The following IL20RB variants were observed in gnomAD, a reference collection of about 807,000 sequenced individuals.
IL20RB encodes interleukin 20 receptor subunit beta.
A neutral mutation model predicts 33.3 loss-of-function variants in IL20RB; 21 were observed. The ratio of observed to expected loss-of-function variants is 0.63; its 90% CI spans 0.45 to 0.91. IL20RB has a LOEUF of 0.91. IL20RB is among the 40% of genes least tolerant of loss of function. IL20RB has a pLI of 0.00. For synonymous variants in IL20RB, 147 were observed against 146.8 expected, an observed-to-expected ratio of 1.00 and a Z score of -0.01; for missense variants, 345 against 384.8, an observed-to-expected ratio of 0.90 and a Z score of 0.86.
rs552640752 is a variant in IL20RB, at chr3:136,992,030, C to T, written c.624C>T (p.Phe208=). 8 of 1,614,204 alleles carry T rather than the reference C, an allele frequency of 5.0e-6. No homozygotes were observed. The highest frequency in any genetic ancestry group is 3.3e-5 in the Admixed American group (2 of 60,028). The change falls in exon 5 of 7, where the codon TTC becomes TTT. Residue 208 remains phenylalanine (F), a synonymous_variant. Transcript: ENST00000329582. The part of the protein sequence containing the change: ...GAAYCVKAQT[F]VKAIGRYSAF... ...CATACTGTGTGAAGGCCCAGACATT[C>T]GTGAAGGCCATTGGGAGGTACAGCG...
chr3:137,006,461 C>CT lies in IL20RB; in HGVS notation c.826-3642dup, dbSNP rs201304646. Among the ~76,000 whole-genome samples the CT allele has an allele frequency of 6.2e-3, 921 of 148,684 alleles. 10 individuals are homozygous for CT. Among genetic ancestry groups the CT allele is most frequent in the African/African-American group, 0.021 (874 of 40,742 alleles). The stretch of plus-strand genomic sequence containing the variant: ...CCATATTTCTTGGAGGCTTTGTTCA[C>CT]TTTTTTTTTTAACTCTTTTTTCTCT... On this transcript the variant is annotated intron_variant, in intron 6 of 6. Transcript: ENST00000329582.
At chr3:136,976,043 A>T (rs1682338) in intron 1 of IL20RB, among the ~76,000 whole-genome samples, 1 of 151,352 alleles carries the variant, frequency 6.6e-6, no homozygotes, top group Non-Finnish European at 1.5e-5. Flanking sequence ...GGTGTGACAG[A>T]GTGTGTAGGA....
At chr3:136,973,600 G>A (rs1941543805) in intron 1 of IL20RB, among the ~76,000 whole-genome samples, 1 of 152,150 alleles carries the variant, frequency 6.6e-6, no homozygotes, top group Admixed American at 6.6e-5. Context: ...TCCAGTTTAA[G>A]TACAATGTTT....
intron 6 of IL20RB, among the ~76,000 whole-genome samples, chr3:137,006,946 G>A (rs1487691938): frequency 6.6e-6 from 1 of 152,210 alleles, no homozygotes; most frequent in Non-Finnish European, 1.5e-5. Flanking sequence ...ACTAGAGATG[G>A]GGTTTTGGTG....
chr3:136,985,047 T>C (rs1039422507), intron 3 of IL20RB, among the ~76,000 whole-genome samples: 3 of 152,184 alleles, frequency 2.0e-5, no homozygotes, highest in South Asian at 2.1e-4. Flanking sequence ...TACAAAACTA[T>C]GTGGGTGGGG....
At chr3:136,980,359 T>C (rs914834896) in intron 1 of IL20RB, 107 bp from the exon 2 acceptor site, 1 of 1,329,136 alleles carries the variant, frequency 7.5e-7, no homozygotes, top group Non-Finnish European at 1.1e-6. Context: ...AATCTCAGCT[T>C]ACTGCAACCT....
chr3:136,961,486 A>C (rs369094279), intron 1 of IL20RB, among the ~76,000 whole-genome samples: 35 of 151,686 alleles, frequency 2.3e-4, no homozygotes, highest in African/African-American at 8.5e-4. Context: ...GACTTTTTCA[A>C]AACAATGTGG....
At chr3:136,970,076 G>A (rs1466427652) in intron 1 of IL20RB, among the ~76,000 whole-genome samples, 1 of 150,118 alleles carries the variant, frequency 6.7e-6, no homozygotes. Context: ...TGTTTAAAGC[G>A]TTTTTTTTGT....
At chr3:136,985,464 A>G (rs1941878524) in intron 3 of IL20RB, among the ~76,000 whole-genome samples, 1 of 151,724 alleles carries the variant, frequency 6.6e-6, no homozygotes, top group African/African-American at 2.4e-5. Context: ...CAGCCTCCCA[A>G]GTAGCTGGGA....
At chr3:137,004,835 T>C (rs1390419204) in intron 6 of IL20RB, among the ~76,000 whole-genome samples, 1 of 152,240 alleles carries the variant, frequency 6.6e-6, no homozygotes, top group African/African-American at 2.4e-5. Context: ...CTCTTGCTTC[T>C]CTAGTTCTTT....
At chr3:136,991,853 G>A (rs1262622049) in intron 4 of IL20RB, 85 bp from the exon 5 acceptor site, 19 of 1,437,502 alleles carry the variant, frequency 1.3e-5, no homozygotes, top group Non-Finnish European at 1.6e-5. Flanking sequence ...CAGGTGATCC[G>A]CCCGCCTCAG....
chr3:137,006,583 G>A (rs142249172), intron 6 of IL20RB, among the ~76,000 whole-genome samples: 20 of 151,992 alleles, frequency 1.3e-4, no homozygotes, highest in East Asian at 7.7e-4. Flanking sequence ...TTGTGCATGC[G>A]TCATGAAGTT....
intron 2 of IL20RB, among the ~76,000 whole-genome samples, chr3:136,981,211 A>G (rs1465355216): frequency 6.6e-6 from 1 of 152,022 alleles, no homozygotes; most frequent in Non-Finnish European, 1.5e-5. Context: ...TGATAAATAT[A>G]CTAGGCCAGC....
intron 3 of IL20RB, among the ~76,000 whole-genome samples, chr3:136,988,761 GA>G (rs1310813583): frequency 6.1e-5 from 9 of 147,122 alleles, no homozygotes; most frequent in East Asian, 2.0e-4. Flanking sequence ...AAAGAAACAA[GA>G]AAAAAAAAAG....
At chr3:136,992,979 A>T (rs947841308) in intron 5 of IL20RB, among the ~76,000 whole-genome samples, 1 of 152,208 alleles carries the variant, frequency 6.6e-6, no homozygotes, top group Non-Finnish European at 1.5e-5. Flanking sequence ...AACATTTTTC[A>T]TGCAGATTTC....
At chr3:136,980,223 A>G (rs1941733048) in intron 1 of IL20RB, 1 of 525,286 alleles carries the variant, frequency 1.9e-6, no homozygotes, top group African/African-American at 1.9e-5. Flanking sequence ...TAATGGTGGT[A>G]CCCAAAATTT....
In IL20RB at chr3:136,982,166, C is replaced by T. The variant is rs139951839; in HGVS notation, c.222C>T (p.Tyr74=). ...VYYSVEYQGE[Y]ESLYTSHIWI... ...GCCCTCCTCTCTTTGACAGGGAGTA[C>T]GAGAGCCTGTACACGAGCCACATCT... Residue 74 remains tyrosine, a synonymous_variant, in exon 3 of 7, where the codon TAC becomes TAT. Transcript: ENST00000329582. The T allele has an allele frequency of 2.0e-5, 31 of 1,570,492 alleles. No individual in the cohort carries two copies. The highest frequency in any genetic ancestry group is 1.7e-4 in the Middle Eastern group (1 of 5,896).
intron 1 of IL20RB, chr3:136,959,485 G>A (rs1941135947): frequency 1.3e-5 from 2 of 152,202 alleles, no homozygotes; most frequent in Non-Finnish European, 2.9e-5. Context: ...TGGTTGTTTG[G>A]TTAGTTAGTT....
chr3:137,000,676 C>T (rs1381943411), intron 6 of IL20RB, among the ~76,000 whole-genome samples: 1 of 152,164 alleles, frequency 6.6e-6, no homozygotes. Flanking sequence ...ATCCCTTGAC[C>T]TAATCCAAAG....
Sources: gnomAD v4.1 joint callset for allele counts (sites outside exome capture counted in the v4.1 genomes callset) on GRCh38, gnomAD v4.1.1 for gene constraint, MANE v1.5 for transcripts, NCBI Gene and HGNC (gene_info 2026-07-23, HGNC 2026-07-21) for gene names.